ERAP1: variants seen among roughly 807,000 people sequenced by gnomAD.
ERAP1 encodes the protein endoplasmic reticulum aminopeptidase 1.
ERAP1 carries 86 observed loss-of-function variants against 103.7 expected under a neutral mutation model. That is an observed-to-expected ratio of 0.83 (90% CI 0.70 to 0.99). The LOEUF is 0.99. Among genes scored for constraint, ERAP1 ranks in the 50% least tolerant of loss-of-function variants. ERAP1 has a pLI of 0.00. For missense variants in ERAP1, 1,009 were observed against 1,128.4 expected (o/e 0.89, Z 1.52); for synonymous variants, 398 against 402.4 (o/e 0.99, Z 0.13).
chr5:96,766,133 T>C lies in ERAP1; in HGVS notation c.2819-2905A>G, dbSNP rs983489977. 5 of 1,601,104 alleles carry C rather than the reference T, an allele frequency of 3.1e-6. 1 individual carries two copies. The highest frequency in any genetic ancestry group is 4.5e-5 in the East Asian group (2 of 44,738). On this transcript the variant is annotated intron_variant, in intron 19 of 19. Coordinates refer to the ERAP1 transcript ENST00000296754. ...CACCTGAATACAGACATCTCCTGGA[T>C]GATAATGGACAGGTAAACTGAGGCA...
chr5:96,764,465 A>G (rs1769107084), intron 19 of ERAP1, among the ~76,000 whole-genome samples: 1 of 152,156 alleles, frequency 6.6e-6, no homozygotes, highest in East Asian at 1.9e-4. Context: ...CATTTCTGCA[A>G]TTTCACTTCC....
rs1777546211 is a variant in ERAP1, at chr5:96,798,098, G to A, written c.664-789C>T. On this transcript the variant is annotated intron_variant, in intron 3 of 18. Coordinates refer to ENST00000443439, the MANE Select transcript of ERAP1 (RefSeq NM_001040458.3). ...CCCAGCACTTTGGGAGGCCGAGGCG[G>A]GTGGATCACAAGGTAAGGAGATTGA... 2.0e-5 allele frequency among the ~76,000 whole-genome samples: 3 copies of A among 152,088 alleles called. No homozygotes were observed. The South Asian group carries it at 6.2e-4, about 32-fold the overall frequency.
At chr5:96,930,339 A>G in the ERAP1 span, among the ~76,000 whole-genome samples, 1 of 152,220 alleles carries the variant, frequency 6.6e-6, no homozygotes, top group Non-Finnish European at 1.5e-5. Flanking sequence ...CCCTCGGATC[A>G]TGTTAACACT....
intron 1 of ERAP1, 135 bp downstream of exon 1, chr5:96,807,725 C>T (rs62376388): frequency 0.14 from 73,065 of 536,706 alleles, 5,391 homozygotes; most frequent in Middle Eastern, 0.2. Context: ...CCCCGTCTCC[C>T]TCCTCCCGTG....
the ERAP1 span, among the ~76,000 whole-genome samples, chr5:96,860,957 T>G: frequency 6.6e-6 from 1 of 151,302 alleles, no homozygotes; most frequent in Non-Finnish European, 1.5e-5. Context: ...GAGCTTTCTT[T>G]TCTTTCTTTT....
At chr5:96,902,718 T>C in the ERAP1 span, 64 of 177,194 alleles carry the variant, frequency 3.6e-4, 1 homozygote, top group South Asian at 7.6e-3. Flanking sequence ...ATTCAAGTCC[T>C]CACTCTCTCA....
chr5:96,845,803 C>G, the ERAP1 span, among the ~76,000 whole-genome samples: 1 of 152,174 alleles, frequency 6.6e-6, no homozygotes, highest in Non-Finnish European at 1.5e-5. Flanking sequence ...CTCTAACACT[C>G]TGTGAATCTA....
upstream of ERAP1, among the ~76,000 whole-genome samples, chr5:96,810,002 A>T (rs905536963): frequency 2.0e-5 from 3 of 152,242 alleles, no homozygotes; most frequent in Admixed American, 6.5e-5. Context: ...GGAGACAAAC[A>T]GGGCAATGCC....
chr5:96,797,149 A>G (rs1777432668), intron 4 of ERAP1, 26 bp downstream of exon 4: 1 of 1,613,798 alleles, frequency 6.2e-7, no homozygotes, highest in Non-Finnish European at 8.5e-7. Flanking sequence ...CAAGCTGGTC[A>G]CCATATGTGA....
chr5:96,890,396 G>A, the ERAP1 span, among the ~76,000 whole-genome samples: 9 of 152,276 alleles, frequency 5.9e-5, no homozygotes, highest in Middle Eastern at 3.4e-3. Context: ...GGCAGGAGGC[G>A]GAGCTCAGGC....
chr5:96,879,733 T>C, the ERAP1 span: 2 of 1,614,078 alleles, frequency 1.2e-6, no homozygotes, highest in African/African-American at 1.3e-5. Context: ...AACCAATGTT[T>C]AACATTCACA....
At chr5:96,770,562 A>G, downstream of ERAP1, 1 of 1,613,230 alleles carries the variant, frequency 6.2e-7, no homozygotes, top group Non-Finnish European at 8.5e-7. Flanking sequence ...TCCAGCTCCA[A>G]AGCACCTAAG....
chr5:96,881,507 C>A, the ERAP1 span: 1 of 455,846 alleles, frequency 2.2e-6, no homozygotes, highest in Middle Eastern at 3.3e-4. Context: ...TCAGTGCACT[C>A]TCACGTTATG....
At chr5:96,834,726 C>T in the ERAP1 span, among the ~76,000 whole-genome samples, 3 of 152,162 alleles carry the variant, frequency 2.0e-5, no homozygotes, top group Admixed American at 2.0e-4. Context: ...TGAATGTTAT[C>T]ACTGGAAGTG....
the ERAP1 span, among the ~76,000 whole-genome samples, chr5:96,916,246 AC>A: frequency 0.45 from 67,218 of 149,068 alleles, 15,135 homozygotes; most frequent in Non-Finnish European, 0.49. Context: ...AAAAACAAAA[AC>A]AAAAAACAAC....
chr5:96,892,334 A>G, the ERAP1 span: 4 of 1,613,872 alleles, frequency 2.5e-6, no homozygotes, highest in East Asian at 2.2e-5. Flanking sequence ...ACCTGGAGCC[A>G]TGGAAAATTG....
intron 18 of ERAP1, among the ~76,000 whole-genome samples, 162 bp downstream of exon 18, chr5:96,780,261 A>C (rs1385408180): frequency 6.6e-6 from 1 of 152,224 alleles, no homozygotes; most frequent in East Asian, 1.9e-4. Flanking sequence ...GTTTAATTGC[A>C]ACTGATTTAT....
intron 2 of ERAP1, among the ~76,000 whole-genome samples, chr5:96,802,830 G>A (rs1778146200): frequency 6.6e-6 from 1 of 152,072 alleles, no homozygotes; most frequent in Admixed American, 6.6e-5. Flanking sequence ...CTTATAAGAA[G>A]ATGGAGACTG....
chr5:96,780,437 T>C lies in ERAP1; in HGVS notation c.2656A>G (p.Thr886Ala). 6.2e-7 allele frequency: 1 copy of C among 1,611,218 alleles called. No homozygotes were observed. The highest frequency in any genetic ancestry group is 1.1e-5 in the South Asian group (1 of 90,234). The change falls in exon 18 of 19, where the codon ACA becomes GCA. Residue 886 changes from threonine to alanine, a missense_variant. Transcript: ENST00000443439. ...MGTTNQFSTR[T>A]RLEEVKGFFS... ...TTTTTTTTTACCTCTTCAAGCCGTG[T>C]TCTTGTGGAGAATTGATTTGTTGTA...
Sources: gnomAD v4.1 joint callset for allele counts (sites outside exome capture counted in the v4.1 genomes callset) on GRCh38, gnomAD v4.1.1 for gene constraint, MANE v1.5 for transcripts, NCBI Gene and HGNC (gene_info 2026-07-23, HGNC 2026-07-21) for gene names.